F13B: variants seen among roughly 807,000 people sequenced by gnomAD.
F13B encodes the protein TGase.
A neutral mutation model predicts 79.8 loss-of-function variants in F13B; 58 were observed. The observed-to-expected ratio is 0.73, with a 90% CI of 0.59 to 0.90. The LOEUF (loss-of-function observed/expected upper bound fraction) is 0.90. F13B is among the 40% of genes least tolerant of loss of function. The probability of loss-of-function intolerance (pLI) is 0.00; values close to 1 mark genes in which losing one functional copy is unlikely to be tolerated. For synonymous variants in F13B, 283 were observed against 260.3 expected, an observed-to-expected ratio of 1.09 and a Z score of -0.84; for missense variants, 773 against 777.0, an observed-to-expected ratio of 0.99 and a Z score of 0.06.
chr1:197,063,989 C>T (rs1655962150), intron 1 of F13B, among the ~76,000 whole-genome samples: 1 of 151,958 alleles, frequency 6.6e-6, no homozygotes, highest in Non-Finnish European at 1.5e-5. Context: ...AACAGACAAC[C>T]AAGTAAAACA....
At chr1:197,062,035 T>G in intron 2 of F13B, 66 bp from the exon 3 acceptor site, 1 of 1,375,376 alleles carries the variant, frequency 7.3e-7, no homozygotes, top group African/African-American at 1.4e-5. Context: ...AATTGTAAAA[T>G]TAAGCCAAAA....
At chr1:197,046,902 A>G (rs1306053782) in intron 10 of F13B, among the ~76,000 whole-genome samples, 1 of 152,170 alleles carries the variant, frequency 6.6e-6, no homozygotes, top group Non-Finnish European at 1.5e-5. Context: ...CAAAAACAAG[A>G]AATGGGAAAT....
At position 197,060,912 on chromosome 1, in the gene F13B, T is replaced by G; in HGVS notation, c.615A>C (p.Thr205=). 6.2e-7 allele frequency: 1 copy of G among 1,613,122 alleles called. No homozygotes were observed. The highest frequency in any genetic ancestry group is 8.5e-7 in the Non-Finnish European group (1 of 1,179,362). The change falls in exon 4 of 12, where the codon ACA becomes ACC. Residue 205 remains threonine (T), a synonymous_variant. Transcript: ENST00000367412. Reference sequence around the variant, plus strand: ...ATGAGAACCTACTGGTACATTTTGGTGTGAGAGACCATCCGTATGTGAGAC... The same window carrying G: ...ATGAGAACCTACTGGTACATTTTGGGGTGAGAGACCATCCGTATGTGAGAC... ...VECLTYGWSL[T]PKCTKLKCSS... is the part of the protein sequence containing the mutation.
chr1:197,065,332 T>C (rs1003735042), intron 1 of F13B, among the ~76,000 whole-genome samples: 1 of 152,096 alleles, frequency 6.6e-6, no homozygotes, highest in Non-Finnish European at 1.5e-5. Context: ...AGAATATGAA[T>C]TCCTGACAAA....
intron 10 of F13B, among the ~76,000 whole-genome samples, chr1:197,047,468 G>T (rs1335813386): frequency 6.6e-6 from 1 of 152,150 alleles, no homozygotes; most frequent in African/African-American, 2.4e-5. Context: ...TTACAATGGC[G>T]ATCATTAAAA....
intron 5 of F13B, among the ~76,000 whole-genome samples, chr1:197,058,016 C>T (rs1351034752): frequency 6.6e-6 from 1 of 152,142 alleles, no homozygotes; most frequent in Admixed American, 6.6e-5. Context: ...GCCATCGATG[C>T]AAGGAGTCGG....
At chr1:197,048,813 A>G (rs1655335041) in intron 10 of F13B, among the ~76,000 whole-genome samples, 1 of 82,526 alleles carries the variant, frequency 1.2e-5, no homozygotes, top group African/African-American at 2.7e-5. Flanking sequence ...CCCAACAATG[A>G]CAAAGTTAAC....
chr1:197,039,468 T>C, intron 11 of F13B, 57 bp from the exon 12 acceptor site: 2 of 1,355,076 alleles, frequency 1.5e-6, no homozygotes, highest in Admixed American at 1.7e-5. Flanking sequence ...CAGGTGTTAA[T>C]TACAATCTCA....
At chr1:197,063,078 G>A (rs778932867) in intron 1 of F13B, 21 bp from the exon 2 acceptor site, 2 of 1,595,158 alleles carry the variant, frequency 1.3e-6, no homozygotes, top group Non-Finnish European at 1.7e-6. Context: ...TAAATGTCAA[G>A]CTGAAAATGG....
chr1:197,050,668 T>C (rs1655407979), intron 10 of F13B, 29 bp downstream of exon 10: 1 of 1,599,974 alleles, frequency 6.3e-7, no homozygotes, highest in Non-Finnish European at 8.6e-7. Context: ...TAGTTTTACT[T>C]TGTTAGAGGC....
chr1:197,065,464 T>A (rs1482023878), intron 1 of F13B, among the ~76,000 whole-genome samples: 2 of 152,052 alleles, frequency 1.3e-5, no homozygotes, highest in Non-Finnish European at 2.9e-5. Context: ...CAGAGAATGG[T>A]AAATAAATAA....
intron 1 of F13B, among the ~76,000 whole-genome samples, chr1:197,065,983 T>G (rs1656033743): frequency 8.0e-6 from 1 of 125,164 alleles, no homozygotes; most frequent in Non-Finnish European, 1.8e-5. Flanking sequence ...GTCTTGGTCT[T>G]CAAGCAGCTT....
intron 10 of F13B, among the ~76,000 whole-genome samples, chr1:197,046,280 C>G (rs945714756): frequency 6.6e-6 from 1 of 152,064 alleles, no homozygotes. Flanking sequence ...CGTCTCAGCC[C>G]AAAATCTCCT....
At chr1:197,042,158 T>C (rs1282406254) in intron 10 of F13B, among the ~76,000 whole-genome samples, 1 of 152,228 alleles carries the variant, frequency 6.6e-6, no homozygotes, top group East Asian at 1.9e-4. Flanking sequence ...TGTGTTCAGT[T>C]ACTTTCTTCA....
chr1:197,064,895 G>A (rs886475936), intron 1 of F13B, among the ~76,000 whole-genome samples: 4 of 152,072 alleles, frequency 2.6e-5, no homozygotes, highest in African/African-American at 9.7e-5. Context: ...TGATTACTAC[G>A]GCTTCAATGC....
At chr1:197,060,143 T>G (rs983780677) in intron 5 of F13B, among the ~76,000 whole-genome samples, 2 of 151,976 alleles carry the variant, frequency 1.3e-5, no homozygotes, top group African/African-American at 4.8e-5. Context: ...AAATAATAAA[T>G]TTAAAAGATA....
intron 8 of F13B, 74 bp from the exon 9 acceptor site, chr1:197,052,908 A>G: frequency 8.4e-7 from 1 of 1,192,336 alleles, no homozygotes; most frequent in South Asian, 1.3e-5. Context: ...TAAAACAAAA[A>G]TTATGACAAG....
rs145521004 is a variant in F13B, at chr1:197,065,644, A to G, written c.64+1516T>C. Among the ~76,000 whole-genome samples, 907 of 152,288 alleles carry G rather than the reference A, an allele frequency of 6.0e-3. 16 individuals carry two copies. The highest frequency in any genetic ancestry group is 0.021 in the African/African-American group (870 of 41,570). On this transcript the variant is annotated intron_variant, in intron 1 of 11. Coordinates refer to ENST00000367412, the MANE Select transcript of F13B (RefSeq NM_001994.3). ...ATCTCTCATTACAGAAATCAAGTAC[A>G]AGAATAGACTCAATAATGCTATCTG...
chr1:197,061,498 G>T (rs1655862020), intron 3 of F13B, among the ~76,000 whole-genome samples: 1 of 151,946 alleles, frequency 6.6e-6, no homozygotes, highest in African/African-American at 2.4e-5. Context: ...TGTAATAAAG[G>T]AAATAGTGAC....
Sources: gnomAD v4.1 joint callset for allele counts (sites outside exome capture counted in the v4.1 genomes callset) on GRCh38, gnomAD v4.1.1 for gene constraint, MANE v1.5 for transcripts, NCBI Gene and HGNC (gene_info 2026-07-23, HGNC 2026-07-21) for gene names.